The following SRM variants were observed in gnomAD, a reference collection of about 807,000 sequenced individuals.
The protein encoded by SRM is spermidine synthase, also known as putrescine aminopropyltransferase.
SRM carries 14 observed loss-of-function variants against 39.3 expected under a neutral mutation model. The observed-to-expected ratio is 0.36, with a 90% confidence interval of 0.24 to 0.56. The LOEUF (loss-of-function observed/expected upper bound fraction) is 0.56. SRM is among the 20% of genes least tolerant of loss of function. The pLI, the probability that SRM is intolerant of heterozygous loss-of-function variation, is 0.86. For synonymous variants in SRM, 195 were observed against 173.1 expected (o/e 1.13, Z -0.99); for missense variants, 244 against 409.2 (o/e 0.60, Z 3.48).
rs1436121545 is a variant in SRM at position 11,059,990 on chromosome 1, G to A, written c.-47C>T. On this transcript the variant is annotated 5_prime_UTR_variant, in exon 1 of 8. Coordinates refer to ENST00000376957, the MANE Select transcript of SRM (RefSeq NM_003132.3). ...GGGCGCGGGCCCGGGACTGCAGGCCGCGCGGCGCCGCAGCACAACGGGACC... is the reference window on the plus strand; with the variant it reads ...GGGCGCGGGCCCGGGACTGCAGGCCACGCGGCGCCGCAGCACAACGGGACC... The A allele has an allele frequency of 1.3e-5, 12 of 936,716 alleles. No homozygotes were observed. Among genetic ancestry groups the A allele is most frequent in the South Asian group, 4.7e-5 (1 of 21,128 alleles). The allele number at this position is 936,716 out of a possible 1,614,324, so 58.0% of individuals were successfully genotyped here. A position where few individuals can be genotyped will look rare whatever the true frequency, so the allele number is the denominator to read the frequency against.
In SRM at chr1:11,055,004, G is replaced by T. The variant is rs11540046; in HGVS notation, c.846C>A (p.Asp282Glu). 2.5e-6 allele frequency: 4 copies of T among 1,612,606 alleles called. No homozygotes were observed. Among genetic ancestry groups the T allele is most frequent in the Admixed American group, 3.3e-5 (2 of 59,972 alleles). ...AQMQLKYYNS[D>E]VHRAAFVLPE... ...GCAGCACAAAGGCGGCGCGGTGCACGTCGGAGTTGTAGTACTTCAGCTGCA... is the reference window on the plus strand; with the variant it reads ...GCAGCACAAAGGCGGCGCGGTGCACTTCGGAGTTGTAGTACTTCAGCTGCA... The change falls in exon 7 of 8, where the codon GAC (aspartate) becomes GAA (glutamate). Residue 282 changes from aspartate (D) to glutamate (E), a missense_variant. Physicochemically the swap from Asp to Glu is conservative, Grantham distance 45. Coordinates refer to ENST00000376957, the MANE Select transcript of SRM (RefSeq NM_003132.3).
At chr1:11,055,746 C>A (rs1313773059) in intron 6 of SRM, 35 bp downstream of exon 6, 3 of 1,492,426 alleles carry the variant, frequency 2.0e-6, no homozygotes, top group Non-Finnish European at 2.7e-6. Context: ...GCCCACCTTC[C>A]CCCCAACCCC....
At chr1:11,055,752 A>ACCCCCCCC in intron 6 of SRM, 29 bp downstream of exon 6, 21 of 1,465,972 alleles carry the variant, frequency 1.4e-5, no homozygotes, top group South Asian at 2.4e-5. Context: ...CTTCCCCCCA[A>ACCCCCCCC]CCCCCACCCC....
intron 6 of SRM, among the ~76,000 whole-genome samples, chr1:11,055,501 G>C (rs1427249300): frequency 1.3e-5 from 2 of 150,066 alleles, no homozygotes. Context: ...TGCAAGCTCC[G>C]CCTCCCGGGT....
chr1:11,060,017 G>T lies in SRM; in HGVS notation c.-74C>A. On this transcript the variant is annotated 5_prime_UTR_variant, in exon 1 of 8. In the 5' UTR this introduces an upstream ATG that the reference lacks. Transcript: ENST00000376957. ...GCGGCGCCGCAGCACAACGGGACCA[G>T]CTCCGCCCGCCGCCCGCGCCGCAAC... 1.3e-6 allele frequency: 1 copy of T among 798,108 alleles called. No homozygotes were observed. The highest frequency in any genetic ancestry group is 1.5e-6 in the Non-Finnish European group (1 of 661,176). 49.4% of individuals were successfully genotyped at this position (798,108 alleles called of 1,614,324 possible).
At chr1:11,056,526 T>C (rs1638879984) in intron 4 of SRM, 78 bp downstream of exon 4, 1 of 1,578,978 alleles carries the variant, frequency 6.3e-7, no homozygotes, top group African/African-American at 1.4e-5. Context: ...CGCTCTATCC[T>C]TTACTCTGAA....
rs763083486 is a variant in SRM, at chr1:11,055,417, GT to G, written c.766-334del. Among the ~76,000 whole-genome samples the G allele has an allele frequency of 7.9e-3, 1,062 of 134,312 alleles. 10 individuals carry two copies. Among genetic ancestry groups the G allele is most frequent in the African/African-American group, 0.023 (834 of 36,482 alleles). The allele number at this position is 134,312 out of a possible 152,430, so 88.1% of individuals were successfully genotyped here. ...AGACACCGCACCTGGCCTGGGGAGGGTTTTTTTTTTTTTTTGAGTCGGAATC... is the reference window on the plus strand; with the variant it reads ...AGACACCGCACCTGGCCTGGGGAGGGTTTTTTTTTTTTTTGAGTCGGAATC... On this transcript the variant is annotated intron_variant, in intron 6 of 7. Coordinates refer to ENST00000376957, the MANE Select transcript of SRM (RefSeq NM_003132.3).
chr1:11,056,886 ATTTTT>A, intron 3 of SRM, 129 bp from the exon 4 acceptor site: 1 of 891,804 alleles, frequency 1.1e-6, no homozygotes, highest in Non-Finnish European at 1.7e-6. Flanking sequence ...TTTTTTTATT[ATTTTT>A]TTTTGAGACA....
chr1:11,057,840 G>A (rs568453569), intron 3 of SRM, among the ~76,000 whole-genome samples: 8 of 151,810 alleles, frequency 5.3e-5, no homozygotes, highest in South Asian at 2.1e-4. Flanking sequence ...GTGCAGTGGC[G>A]AGATCTCGGT....
chr1:11,058,954 A>C, intron 2 of SRM, 62 bp from the exon 3 acceptor site: 1 of 1,479,268 alleles, frequency 6.8e-7, no homozygotes, highest in East Asian at 2.4e-5. Flanking sequence ...CAGGCCCCTG[A>C]AGCAGACCCC....
Position 11,059,982 on chromosome 1 carries a change from T to TGCCC in SRM, c.-40_-39insGGGC. ...GCGGCGCGGGGCGCGGGCCCGGGAC[T>TGCCC]GCAGGCCGCGCGGCGCCGCAGCACA... On this transcript the variant is annotated 5_prime_UTR_variant, in exon 1 of 8. Coordinates refer to ENST00000376957, the MANE Select transcript of SRM (RefSeq NM_003132.3). 1 of 958,606 alleles carries TGCCC rather than the reference T, an allele frequency of 1.0e-6. No individual in the cohort carries two copies. The highest frequency in any genetic ancestry group is 1.2e-6 in the Non-Finnish European group (1 of 808,278). The allele number at this position is 958,606 out of a possible 1,614,324, so 59.4% of individuals were successfully genotyped here.
chr1:11,056,795 C>G (rs1288599964), intron 3 of SRM, 38 bp from the exon 4 acceptor site: 2 of 1,610,920 alleles, frequency 1.2e-6, no homozygotes, highest in African/African-American at 2.7e-5. Context: ...GGCCAAGGGG[C>G]TGGGGGACCT....
At chr1:11,055,709 C>A (rs1638863551) in intron 6 of SRM, 72 bp downstream of exon 6, 1 of 1,490,242 alleles carries the variant, frequency 6.7e-7, no homozygotes, top group African/African-American at 1.4e-5. Context: ...GCCACCGCGC[C>A]CGGCAGGGGC....
At chr1:11,055,648 C>CT in intron 6 of SRM, 133 bp downstream of exon 6, 1 of 899,236 alleles carries the variant, frequency 1.1e-6, no homozygotes, top group Non-Finnish European at 1.7e-6. Context: ...ATCTCCTGAC[C>CT]TTGTGATCTG....
intron 4 of SRM, 87 bp downstream of exon 4, chr1:11,056,517 G>A (rs546822221): frequency 1.4e-5 from 21 of 1,527,510 alleles, no homozygotes; most frequent in Admixed American, 7.5e-5. Flanking sequence ...GTGGGAGGCC[G>A]CTCTATCCTT....
chr1:11,056,422 G>A (rs941709671), intron 4 of SRM, among the ~76,000 whole-genome samples, 182 bp downstream of exon 4: 2 of 152,156 alleles, frequency 1.3e-5, no homozygotes, highest in African/African-American at 2.4e-5. Flanking sequence ...CTGGGCAGTC[G>A]CCTGGCTCCT....
chr1:11,058,582 A>T, intron 3 of SRM: 2 of 412,072 alleles, frequency 4.9e-6, no homozygotes, highest in Non-Finnish European at 8.6e-6. Flanking sequence ...AAAAAAAAAA[A>T]ATCAGCTCAG....
intron 6 of SRM, among the ~76,000 whole-genome samples, chr1:11,055,478 A>G (rs554054102): frequency 4.4e-4 from 64 of 146,808 alleles, no homozygotes; most frequent in African/African-American, 1.2e-3. Flanking sequence ...GTAGTGGCGC[A>G]ATCTCGGCTC....
chr1:11,059,090 C>T lies in SRM; in HGVS notation c.288+135G>A, dbSNP rs994134182. The stretch of plus-strand genomic sequence containing the variant: ...ATTCCGAGGCCGCGTCAGTGTCGGC[C>T]CCCACCCCTCCGCGGGACGCCCCTG... On this transcript the variant is annotated intron_variant, in intron 2 of 7. Coordinates refer to ENST00000376957, the MANE Select transcript of SRM (RefSeq NM_003132.3). 2.7e-6 allele frequency: 4 copies of T among 1,504,708 alleles called. No individual in the cohort carries two copies. The African/African-American group carries it at 5.5e-5, about 21-fold the overall frequency. The allele number at this position is 1,504,708 out of a possible 1,614,324, so 93.2% of individuals were successfully genotyped here. A position where few individuals can be genotyped will look rare whatever the true frequency, so the allele number is the denominator to read the frequency against.
Sources: allele counts gnomAD v4.1 joint callset (sites outside exome capture counted in the v4.1 genomes callset), GRCh38; gene constraint gnomAD v4.1.1; transcripts MANE v1.5; gene names NCBI Gene and HGNC (gene_info 2026-07-23, HGNC 2026-07-21).